The following DCP1A variants were observed in gnomAD, a reference collection of about 807,000 sequenced individuals.
DCP1A encodes the protein mRNA-decapping enzyme 1A.
DCP1A carries 20 observed loss-of-function variants against 58.0 expected under a neutral mutation model. The observed-to-expected ratio is 0.34, with a 90% CI of 0.24 to 0.50. The LOEUF is 0.50. Among genes scored for constraint, DCP1A ranks in the 20% least tolerant of loss-of-function variants. The pLI, the probability that DCP1A is intolerant of heterozygous loss-of-function variation, is 0.98. For synonymous variants in DCP1A, 285 were observed against 275.1 expected (o/e 1.04, Z -0.36); for missense variants, 613 against 712.2 (o/e 0.86, Z 1.59).
At position 53,337,104 on chromosome 3, in the gene DCP1A, G is replaced by A. The variant is rs1232424154; in HGVS notation, c.304+5040C>T. 4.0e-5 allele frequency among the ~76,000 whole-genome samples: 6 copies of A among 151,802 alleles called. No homozygotes were observed. The East Asian group carries it at 5.8e-4, about 15-fold the overall frequency. ...CCAGGCTGGTCTTGAACTCCTGACC[G>A]CAGGTGATCCACCCGCCTTGGCCTC... On this transcript the variant is annotated intron_variant, in intron 3 of 9. Coordinates refer to ENST00000610213, the MANE Select transcript of DCP1A (RefSeq NM_018403.7).
At chr3:53,312,179 C>A (rs879963890) in intron 5 of DCP1A, 62 bp downstream of exon 5, 238 of 1,497,410 alleles carry the variant, frequency 1.6e-4, no homozygotes, top group Non-Finnish European at 2.1e-4. Flanking sequence ...TAGTCTCCTG[C>A]AGACCTCCTC....
chr3:53,337,352 G>C (rs2089134604), intron 3 of DCP1A, among the ~76,000 whole-genome samples: 1 of 152,196 alleles, frequency 6.6e-6, no homozygotes, highest in Non-Finnish European at 1.5e-5. Context: ...AAGAGAATCT[G>C]GATAGGCCAG....
intron 6 of DCP1A, among the ~76,000 whole-genome samples, chr3:53,296,890 G>A (rs1052532055): frequency 1.3e-5 from 2 of 152,126 alleles, no homozygotes; most frequent in Admixed American, 1.3e-4. Flanking sequence ...ATTCTTTTGG[G>A]TATATACCCA....
chr3:53,300,030 GCTA>G (rs1418064017), intron 6 of DCP1A, among the ~76,000 whole-genome samples: 3 of 152,016 alleles, frequency 2.0e-5, no homozygotes, highest in African/African-American at 7.3e-5. Flanking sequence ...ATCACGCCCG[GCTA>G]CTTTTTGTAT....
At chr3:53,338,217 T>G (rs1553692162) in intron 3 of DCP1A, 1 of 399,892 alleles carries the variant, frequency 2.5e-6, no homozygotes, top group African/African-American at 2.1e-5. Flanking sequence ...ATTTATAACC[T>G]CCCCATAATT....
chr3:53,326,734 A>G (rs1215906444), intron 3 of DCP1A, among the ~76,000 whole-genome samples: 3 of 152,182 alleles, frequency 2.0e-5, no homozygotes, highest in Non-Finnish European at 4.4e-5. Flanking sequence ...ATGCAGGAAA[A>G]CAAGCTCCAG....
At chr3:53,295,747 A>C (rs371679521) in intron 6 of DCP1A, among the ~76,000 whole-genome samples, 10 of 152,260 alleles carry the variant, frequency 6.6e-5, no homozygotes, top group East Asian at 5.8e-4. Context: ...TAATCCTTCT[A>C]ATTTAGTTCC....
chr3:53,343,168 G>T (rs900141273), intron 2 of DCP1A, among the ~76,000 whole-genome samples: 1 of 152,170 alleles, frequency 6.6e-6, no homozygotes, highest in Admixed American at 6.6e-5. Context: ...TAGGAGACAA[G>T]CTTTGAATGA....
chr3:53,346,401 A>G (rs917321563), intron 1 of DCP1A, among the ~76,000 whole-genome samples: 2 of 152,218 alleles, frequency 1.3e-5, no homozygotes, highest in African/African-American at 4.8e-5. Context: ...ACGACATACT[A>G]CGGTCATCTT....
chr3:53,292,022 CCAGTTA>C, intron 7 of DCP1A, 41 bp downstream of exon 7: 1 of 1,545,224 alleles, frequency 6.5e-7, no homozygotes, highest in Non-Finnish European at 8.7e-7. Context: ...TTCATCCCAT[CCAGTTA>C]CAGTTACCCA....
chr3:53,301,174 G>C (rs1707302012), intron 6 of DCP1A, among the ~76,000 whole-genome samples: 1 of 152,040 alleles, frequency 6.6e-6, no homozygotes, highest in Non-Finnish European at 1.5e-5. Flanking sequence ...TACAAAATTT[G>C]GTTTAAATTA....
chr3:53,295,689 T>C (rs1312101413), intron 6 of DCP1A, among the ~76,000 whole-genome samples: 2 of 152,178 alleles, frequency 1.3e-5, no homozygotes, highest in Admixed American at 6.5e-5. Flanking sequence ...CATGCCACCA[T>C]GATCAGTTTA....
At position 53,311,953 on chromosome 3, in the gene DCP1A, T is replaced by TAA. The variant is rs398038702; in HGVS notation, c.510+286_510+287dup. On this transcript the variant is annotated intron_variant, in intron 5 of 9. Transcript: ENST00000610213. ...TTAAAATTGTAAGACACATCTGTTTTAAAAAAAAAAAAAGAGAGACACAGG... is the reference window on the plus strand; with the variant it reads ...TTAAAATTGTAAGACACATCTGTTTTAAAAAAAAAAAAAAAGAGAGACACAGG... 7.2e-4 allele frequency among the ~76,000 whole-genome samples: 105 copies of TAA among 146,210 alleles called. 1 individual carries two copies. The highest frequency in any genetic ancestry group is 2.6e-3 in the East Asian group (13 of 5,028).
intron 3 of DCP1A, among the ~76,000 whole-genome samples, chr3:53,334,428 T>C (rs1209318736): frequency 1.3e-5 from 2 of 152,204 alleles, no homozygotes; most frequent in African/African-American, 2.4e-5. Context: ...GCTTTCTTTT[T>C]CCCATGGTTT....
intron 6 of DCP1A, among the ~76,000 whole-genome samples, chr3:53,296,053 C>T (rs1553686724): frequency 6.6e-6 from 1 of 152,096 alleles, no homozygotes; most frequent in East Asian, 1.9e-4. Context: ...TCACCACATC[C>T]AGCTAATTTT....
intron 6 of DCP1A, among the ~76,000 whole-genome samples, chr3:53,296,685 T>G (rs1707138346): frequency 6.6e-6 from 1 of 152,258 alleles, no homozygotes; most frequent in African/African-American, 2.4e-5. Context: ...GGTTCATCCG[T>G]GTTCCAACAT....
intron 8 of DCP1A, among the ~76,000 whole-genome samples, chr3:53,290,263 G>A (rs1706805753): frequency 6.6e-6 from 1 of 152,196 alleles, no homozygotes; most frequent in Admixed American, 6.5e-5. Flanking sequence ...TGTTCTCAGA[G>A]CAATGGGAAA....
rs1706607416 is a variant in DCP1A, at chr3:53,285,696, A to G, written c.*1884T>C. ...TCAAAAGCATAATTTCGATTCAAGA[A>G]TCCCTTGATTCGTCTGTTCACCGAA... is the stretch of plus-strand genomic sequence containing the variant. On this transcript the variant is annotated 3_prime_UTR_variant, in exon 10 of 10. Transcript: ENST00000610213. 6.6e-6 allele frequency: 1 copy of G among 152,140 alleles called. No individual in the cohort carries two copies. Among genetic ancestry groups the G allele is most frequent in the Non-Finnish European group, 1.5e-5 (1 of 68,016 alleles). 9.4% of individuals were successfully genotyped at this position (152,140 alleles called of 1,614,324 possible). A position where few individuals can be genotyped will look rare whatever the true frequency, so the allele number is the denominator to read the frequency against.
At chr3:53,300,984 T>C (rs1707297766) in intron 6 of DCP1A, among the ~76,000 whole-genome samples, 2 of 152,122 alleles carry the variant, frequency 1.3e-5, no homozygotes, top group South Asian at 4.1e-4. Context: ...GGTCCATTTC[T>C]TCCTTAGGGT....
Sources: gnomAD v4.1 joint callset for allele counts (sites outside exome capture counted in the v4.1 genomes callset) on GRCh38, gnomAD v4.1.1 for gene constraint, MANE v1.5 for transcripts, NCBI Gene and HGNC (gene_info 2026-07-23, HGNC 2026-07-21) for gene names.